The following MTBP variants were observed in gnomAD, a reference collection of about 807,000 sequenced individuals.
MTBP encodes the protein mdm2-binding protein.
MTBP carries 101 observed loss-of-function variants against 117.0 expected under a neutral mutation model. The observed-to-expected ratio is 0.86, with a 90% CI of 0.73 to 1.02. The LOEUF is 1.02. MTBP is among the 50% of genes least tolerant of loss of function. The pLI, the probability that MTBP is intolerant of heterozygous loss-of-function variation, is 0.00. For missense variants in MTBP, 970 were observed against 1,030.9 expected (o/e 0.94, Z 0.81); for synonymous variants, 350 against 351.5 (o/e 1.00, Z 0.05).
chr8:120,449,595 G>A lies in MTBP; in HGVS notation c.200-1408G>A, dbSNP rs539975614. On this transcript the variant is annotated intron_variant, in intron 2 of 21. Transcript: ENST00000305949. ...AACCAATGTACAGATGTCAGGTGAA[G>A]GCATGAGAAAGGATGGGATTGCTTA... is the stretch of plus-strand genomic sequence containing the variant. 5.9e-4 allele frequency among the ~76,000 whole-genome samples: 90 copies of A among 152,214 alleles called. 1 individual carries two copies. Among genetic ancestry groups the A allele is most frequent in the African/African-American group, 2.0e-3 (85 of 41,536 alleles).
At chr8:120,522,762 T>A in intron 21 of MTBP, 43 bp downstream of exon 21, 1 of 1,472,232 alleles carries the variant, frequency 6.8e-7, no homozygotes, top group Non-Finnish European at 9.3e-7. Context: ...ATTAAATTGG[T>A]ATTTTATTTC....
chr8:120,513,370 C>T (rs998642302), intron 17 of MTBP, among the ~76,000 whole-genome samples: 7 of 151,986 alleles, frequency 4.6e-5, no homozygotes, highest in Admixed American at 1.3e-4. Flanking sequence ...AAAGCATTTG[C>T]TTATTGTTTT....
intron 11 of MTBP, among the ~76,000 whole-genome samples, chr8:120,485,292 AT>A (rs1474650524): frequency 6.6e-6 from 1 of 152,022 alleles, no homozygotes; most frequent in Non-Finnish European, 1.5e-5. Flanking sequence ...ATCTTAGAGT[AT>A]TTTTAAATTT....
intron 7 of MTBP, among the ~76,000 whole-genome samples, chr8:120,459,010 G>C (rs1054914721): frequency 6.6e-6 from 1 of 152,120 alleles, no homozygotes; most frequent in African/African-American, 2.4e-5. Flanking sequence ...GGACCAACGA[G>C]AGCTTTTCAT....
At chr8:120,508,675 T>A (rs1586969934) in intron 16 of MTBP, among the ~76,000 whole-genome samples, 1 of 152,288 alleles carries the variant, frequency 6.6e-6, no homozygotes, top group South Asian at 2.1e-4. Flanking sequence ...GGGGAAAATG[T>A]GATAGCAAAT....
At chr8:120,488,129 A>G (rs533568799) in intron 11 of MTBP, 30 bp from the exon 12 acceptor site, 5 of 1,541,348 alleles carry the variant, frequency 3.2e-6, no homozygotes, top group South Asian at 1.3e-5. Flanking sequence ...GAATTTTCAC[A>G]TACTTAACAA....
chr8:120,448,397 A>G (rs1326301415), intron 2 of MTBP, among the ~76,000 whole-genome samples: 20 of 152,210 alleles, frequency 1.3e-4, no homozygotes, highest in Admixed American at 1.3e-3. Context: ...TTTCAGTGTT[A>G]GCACTTTTTG....
Position 120,507,661 on chromosome 8 carries a change from G to A in MTBP, c.1883+800G>A, listed in dbSNP as rs112601916. Among the ~76,000 whole-genome samples the A allele has an allele frequency of 7.8e-3, 1,191 of 152,220 alleles. 19 individuals carry two copies. Among genetic ancestry groups the A allele is most frequent in the African/African-American group, 0.027 (1,113 of 41,554 alleles). On this transcript the variant is annotated intron_variant, in intron 16 of 21. Transcript: ENST00000305949. ...TTTGCAAAGGAGTTATTTGAAGGCA[G>A]TTATATCTCAGAAATATTGCTGGAA...
chr8:120,482,778 C>A (rs1040459334), intron 11 of MTBP, among the ~76,000 whole-genome samples: 4 of 151,212 alleles, frequency 2.6e-5, no homozygotes, highest in African/African-American at 9.7e-5. Context: ...CGGCTCACTG[C>A]AACCTCCACC....
chr8:120,455,008 C>T (rs1285103739), intron 5 of MTBP, among the ~76,000 whole-genome samples: 2 of 151,584 alleles, frequency 1.3e-5, no homozygotes, highest in African/African-American at 4.8e-5. Context: ...TACAGTTTTG[C>T]ACTTATTCAT....
At chr8:120,476,174 T>G (rs1348157703) in intron 11 of MTBP, among the ~76,000 whole-genome samples, 1 of 151,768 alleles carries the variant, frequency 6.6e-6, no homozygotes, top group Non-Finnish European at 1.5e-5. Context: ...TTTTTAGAAC[T>G]TGGTCTTTTC....
At chr8:120,445,857 T>C (rs1813214659) in intron 1 of MTBP, among the ~76,000 whole-genome samples, 1 of 152,162 alleles carries the variant, frequency 6.6e-6, no homozygotes, top group African/African-American at 2.4e-5. Flanking sequence ...AGTAATGGAA[T>C]TTCCTGCTTT....
intron 18 of MTBP, 80 bp downstream of exon 18, chr8:120,516,271 G>T: frequency 2.5e-6 from 3 of 1,219,840 alleles, no homozygotes; most frequent in South Asian, 1.7e-5. Flanking sequence ...TTTTATATTA[G>T]TCTTTCAGGT....
chr8:120,496,525 C>G (rs1814461602), intron 13 of MTBP, among the ~76,000 whole-genome samples: 1 of 152,082 alleles, frequency 6.6e-6, no homozygotes, highest in African/African-American at 2.4e-5. Context: ...GAGTTCTTTT[C>G]TCTGACAGCA....
chr8:120,467,111 T>C (rs1813713592), intron 10 of MTBP, among the ~76,000 whole-genome samples: 1 of 152,194 alleles, frequency 6.6e-6, no homozygotes, highest in African/African-American at 2.4e-5. Flanking sequence ...AGCCCCAGAA[T>C]ATAAGTAAAA....
intron 11 of MTBP, chr8:120,471,712 T>G (rs1813820280): frequency 6.6e-6 from 1 of 152,192 alleles, no homozygotes; most frequent in Admixed American, 6.5e-5. Context: ...TACTTATTTT[T>G]ATCCCCATTT....
chr8:120,477,111 A>G (rs552403526), intron 11 of MTBP, among the ~76,000 whole-genome samples: 1 of 152,310 alleles, frequency 6.6e-6, no homozygotes, highest in East Asian at 1.9e-4. Context: ...ATCTACAACC[A>G]TCTGAACTTT....
In MTBP at chr8:120,451,216, G is replaced by T; in HGVS notation, c.319G>T (p.Asp107Tyr). The T allele has an allele frequency of 6.2e-7, 1 of 1,610,904 alleles. No homozygotes were observed. The highest frequency in any genetic ancestry group is 1.1e-5 in the South Asian group (1 of 90,828). ...AGAGATACATTTTGATACAGAAAAAGATAAAATTGAAGATGTTCTTCAAAC... is the reference window on the plus strand; with the variant it reads ...AGAGATACATTTTGATACAGAAAAATATAAAATTGAAGATGTTCTTCAAAC... Reference protein sequence around the residue: ...WQEIHFDTEKDKIEDVLQTNI... With the variant: ...WQEIHFDTEKYKIEDVLQTNI... The change falls in exon 4 of 22, where the codon GAT becomes TAT. Residue 107 changes from aspartate (D) to tyrosine (Y), a missense_variant. By Grantham distance (160) the Asp-to-Tyr change is radical (BLOSUM62 -3). Transcript: ENST00000305949.
chr8:120,512,353 A>G (rs1226051717), intron 17 of MTBP, among the ~76,000 whole-genome samples: 1 of 152,112 alleles, frequency 6.6e-6, no homozygotes, highest in Non-Finnish European at 1.5e-5. Flanking sequence ...TGCTGACTAA[A>G]GTGTCCATCA....
Sources: allele counts gnomAD v4.1 joint callset (sites outside exome capture counted in the v4.1 genomes callset), GRCh38; gene constraint gnomAD v4.1.1; transcripts MANE v1.5; gene names NCBI Gene and HGNC (gene_info 2026-07-23, HGNC 2026-07-21).